The following ADAM23 variants were observed in gnomAD, a reference collection of about 807,000 sequenced individuals.
ADAM23 encodes disintegrin and metalloproteinase domain-containing protein 23.
A neutral mutation model predicts 120.1 loss-of-function variants in ADAM23; 33 were observed. The ratio of observed to expected loss-of-function variants is 0.27; its 90% CI spans 0.21 to 0.37. ADAM23 has a LOEUF of 0.37. ADAM23 is among the 10% of genes least tolerant of loss of function. The pLI, the probability that ADAM23 is intolerant of heterozygous loss-of-function variation, is 1.00. For synonymous variants in ADAM23, 367 were observed against 375.2 expected, an observed-to-expected ratio of 0.98 and a Z score of 0.25; for missense variants, 862 against 1,058.2, an observed-to-expected ratio of 0.81 and a Z score of 2.57.
At chr2:206,507,647 T>C (rs1696522897) in intron 3 of ADAM23, among the ~76,000 whole-genome samples, 1 of 152,232 alleles carries the variant, frequency 6.6e-6, no homozygotes, top group African/African-American at 2.4e-5. Flanking sequence ...TAGGATTTAT[T>C]GTATGGCTTT....
In ADAM23 at chr2:206,552,836, A is replaced by AT. The variant is rs56170459; in HGVS notation, c.933+2688dup. 2.1e-3 allele frequency among the ~76,000 whole-genome samples: 315 copies of AT among 147,286 alleles called. 1 individual carries two copies. Among genetic ancestry groups the AT allele is most frequent in the Non-Finnish European group, 2.1e-3 (140 of 66,664 alleles). ...ATGACCATGCCTGGCTATTTTTTGTATTTTTTTTTTTTGTAGAAACTGGGT... is the reference window on the plus strand; with the variant it reads ...ATGACCATGCCTGGCTATTTTTTGTATTTTTTTTTTTTTGTAGAAACTGGGT... On this transcript the variant is annotated intron_variant, in intron 9 of 25. Coordinates refer to ENST00000264377, the MANE Select transcript of ADAM23 (RefSeq NM_003812.4).
At chr2:206,579,594 A>C (rs922954880) in intron 18 of ADAM23, among the ~76,000 whole-genome samples, 4 of 152,082 alleles carry the variant, frequency 2.6e-5, no homozygotes, top group Non-Finnish European at 5.9e-5. Flanking sequence ...CTATATGCCT[A>C]TTTTTATACC....
intron 3 of ADAM23, among the ~76,000 whole-genome samples, chr2:206,514,138 T>C (rs1021464241): frequency 1.3e-5 from 2 of 152,180 alleles, no homozygotes; most frequent in African/African-American, 4.8e-5. Context: ...ATTTCAACTT[T>C]CAAGTCTTAT....
Position 206,571,783 on chromosome 2 carries a change from C to T in ADAM23, c.1623C>T (p.Ser541=), listed in dbSNP as rs774008238. ...CCCTCTCCAACGGGGCTCACTGCAG[C>T]GACGGGCCCTGCTGTAACAATACCT... is the stretch of plus-strand genomic sequence containing the variant. The part of the protein sequence containing the change: ...KCSLSNGAHC[S]DGPCCNNTSC... The change falls in exon 17 of 26, where the codon AGC becomes AGT. Residue 541 remains serine, a synonymous_variant. Transcript: ENST00000264377. 4 of 1,614,052 alleles carry T rather than the reference C, an allele frequency of 2.5e-6. No individual in the cohort carries two copies. The highest frequency in any genetic ancestry group is 1.7e-5 in the Admixed American group (1 of 60,010).
At chr2:206,593,277 G>A (rs1305397556) in intron 22 of ADAM23, among the ~76,000 whole-genome samples, 4 of 152,116 alleles carry the variant, frequency 2.6e-5, no homozygotes, top group Non-Finnish European at 5.9e-5. Context: ...TGTTTAGTCG[G>A]GGAGTCATAT....
chr2:206,457,421 T>C (rs1203392099), intron 2 of ADAM23, among the ~76,000 whole-genome samples: 1 of 152,236 alleles, frequency 6.6e-6, no homozygotes, highest in Admixed American at 6.5e-5. Flanking sequence ...GTTTCTTTTT[T>C]CACACATCTG....
intron 18 of ADAM23, among the ~76,000 whole-genome samples, chr2:206,580,859 T>G (rs1195161540): frequency 2.0e-5 from 3 of 152,190 alleles, no homozygotes; most frequent in Admixed American, 1.3e-4. Context: ...CTTTTTTGGC[T>G]GGTAATTTTT....
chr2:206,470,446 G>C lies in ADAM23; in HGVS notation c.433-10786G>C, dbSNP rs187635590. 1.5e-3 allele frequency among the ~76,000 whole-genome samples: 223 copies of C among 152,284 alleles called. 2 individuals are homozygous for C. Among genetic ancestry groups the C allele is most frequent in the African/African-American group, 5.1e-3 (211 of 41,570 alleles). On this transcript the variant is annotated intron_variant, in intron 2 of 25. Coordinates refer to ENST00000264377, the MANE Select transcript of ADAM23 (RefSeq NM_003812.4). ...TAGTTTTAAAAATTGTGCAAATACA[G>C]GTTGAGTGGTTGATCGTTTCCAGAG...
At chr2:206,505,689 A>G (rs1223011440) in intron 3 of ADAM23, among the ~76,000 whole-genome samples, 1 of 152,212 alleles carries the variant, frequency 6.6e-6, no homozygotes, top group African/African-American at 2.4e-5. Flanking sequence ...GTCACTTTCC[A>G]CAAGGCCCTA....
At chr2:206,541,996 C>G (rs968528046) in intron 4 of ADAM23, 56 bp from the exon 5 acceptor site, 2 of 1,568,308 alleles carry the variant, frequency 1.3e-6, no homozygotes, top group Non-Finnish European at 1.8e-6. Context: ...TGGAAGCACC[C>G]AAAGAATTAA....
In ADAM23 at chr2:206,569,415, T is replaced by C. The variant is rs76011047; in HGVS notation, c.1495-1325T>C. On this transcript the variant is annotated intron_variant, in intron 15 of 25. Coordinates refer to ENST00000264377, the MANE Select transcript of ADAM23 (RefSeq NM_003812.4). ...AACTATGGATGCCAGTGGAATAGTT[T>C]ATATGTATGTATCAAAGAAGTGACT... is the stretch of plus-strand genomic sequence containing the variant. Among the ~76,000 whole-genome samples, 741 of 152,354 alleles carry C rather than the reference T, an allele frequency of 4.9e-3. 3 individuals are homozygous for C. The highest frequency in any genetic ancestry group is 0.017 in the Middle Eastern group (5 of 294).
At chr2:206,477,946 TAATG>T (rs1695818338) in intron 2 of ADAM23, among the ~76,000 whole-genome samples, 1 of 129,422 alleles carries the variant, frequency 7.7e-6, no homozygotes, top group African/African-American at 3.1e-5. Context: ...GTTTATAAAA[TAATG>T]ACTCACTTTA....
At chr2:206,601,127 C>A (rs1424409701) in intron 24 of ADAM23, among the ~76,000 whole-genome samples, 1 of 152,196 alleles carries the variant, frequency 6.6e-6, no homozygotes, top group Non-Finnish European at 1.5e-5. Context: ...TATGTAGACA[C>A]ATTCTCAAGG....
intron 15 of ADAM23, among the ~76,000 whole-genome samples, chr2:206,569,374 A>G (rs938720524): frequency 6.6e-6 from 1 of 152,262 alleles, no homozygotes; most frequent in Admixed American, 6.5e-5. Flanking sequence ...ACTACGTAGT[A>G]CAATGGTTAA....
chr2:206,582,013 G>T (rs950685756), intron 18 of ADAM23, among the ~76,000 whole-genome samples: 2 of 152,168 alleles, frequency 1.3e-5, no homozygotes, highest in African/African-American at 4.8e-5. Flanking sequence ...AAGTAGCTGG[G>T]ATTACAGGCA....
intron 25 of ADAM23, among the ~76,000 whole-genome samples, chr2:206,613,071 T>A (rs1375479452): frequency 6.6e-6 from 1 of 152,178 alleles, no homozygotes; most frequent in African/African-American, 2.4e-5. Context: ...CTTTTTCTTT[T>A]TTTTTGAGAC....
chr2:206,576,671 T>A (rs1407223448), intron 18 of ADAM23, among the ~76,000 whole-genome samples: 2 of 152,146 alleles, frequency 1.3e-5, no homozygotes, highest in Non-Finnish European at 2.9e-5. Context: ...AATCAGTATT[T>A]ACAGGCAACA....
At chr2:206,604,252 C>T (rs925899945) in intron 24 of ADAM23, among the ~76,000 whole-genome samples, 8 of 151,028 alleles carry the variant, frequency 5.3e-5, no homozygotes, top group Admixed American at 2.0e-4. Flanking sequence ...GGCGACAGAG[C>T]GAGACTCCAT....
At chr2:206,608,809 G>T (rs902371430) in intron 24 of ADAM23, among the ~76,000 whole-genome samples, 5 of 152,172 alleles carry the variant, frequency 3.3e-5, no homozygotes, top group Non-Finnish European at 5.9e-5. Context: ...ACAGTTGAGG[G>T]CACTGATGTG....
Sources: allele counts gnomAD v4.1 joint callset (sites outside exome capture counted in the v4.1 genomes callset), GRCh38; gene constraint gnomAD v4.1.1; transcripts MANE v1.5; gene names NCBI Gene and HGNC (gene_info 2026-07-23, HGNC 2026-07-21).